Variants in PLPP3 observed in about 807,000 individuals in gnomAD.
The protein encoded by PLPP3 is phospholipid phosphatase 3.
In PLPP3, 6 loss-of-function variants were observed where a neutral mutation model predicts 29.6. The ratio of observed to expected loss-of-function variants is 0.20; its 90% CI spans 0.11 to 0.40. PLPP3 has a LOEUF of 0.40. PLPP3 is among the 10% of genes least tolerant of loss of function. The pLI is 1.00. For synonymous variants in PLPP3, 152 were observed against 159.7 expected, an observed-to-expected ratio of 0.95 and a Z score of 0.36; for missense variants, 308 against 407.7, an observed-to-expected ratio of 0.76 and a Z score of 2.11.
At chr1:56,496,826 A>T (rs912095631) in intron 5 of PLPP3, 150 bp from the exon 6 acceptor site, 30 of 784,732 alleles carry the variant, frequency 3.8e-5, no homozygotes, top group Non-Finnish European at 9.8e-6. Flanking sequence ...AGATCATATC[A>T]TCAAGGTTTA....
rs1363080339 is a variant in PLPP3 at position 56,495,766 on chromosome 1, G to C, written c.*785C>G. 1 of 152,642 alleles carries C rather than the reference G, an allele frequency of 6.6e-6. No individual in the cohort carries two copies. Among genetic ancestry groups the C allele is most frequent in the Non-Finnish European group, 1.5e-5 (1 of 68,050 alleles). The allele number at this position is 152,642 out of a possible 1,614,324, so 9.5% of individuals were successfully genotyped here. On this transcript the variant is annotated 3_prime_UTR_variant, in exon 6 of 6. Transcript: ENST00000371250. ...AACCGAAGTCGAACTGTTTCTAAGA[G>C]TATGCAAGTGCCCGGTGATTGACGT...
chr1:56,572,053 T>G (rs1646202259), intron 1 of PLPP3, among the ~76,000 whole-genome samples: 1 of 135,158 alleles, frequency 7.4e-6, no homozygotes, highest in African/African-American at 2.7e-5. Flanking sequence ...GTTTTTTTTT[T>G]TTTTTTTTTT....
At chr1:56,562,908 G>A (rs1197683695) in intron 1 of PLPP3, among the ~76,000 whole-genome samples, 1 of 152,092 alleles carries the variant, frequency 6.6e-6, no homozygotes, top group African/African-American at 2.4e-5. Flanking sequence ...ACAAATACTG[G>A]GAGAGATAGG....
At chr1:56,552,604 T>G (rs1236395226) in intron 1 of PLPP3, among the ~76,000 whole-genome samples, 1 of 152,256 alleles carries the variant, frequency 6.6e-6, no homozygotes, top group Middle Eastern at 3.4e-3. Flanking sequence ...CTGGTTCTCA[T>G]AGAAAAATTG....
chr1:56,532,134 T>G (rs1296132188), intron 2 of PLPP3, among the ~76,000 whole-genome samples: 2 of 152,132 alleles, frequency 1.3e-5, no homozygotes, highest in Non-Finnish European at 2.9e-5. Flanking sequence ...AGGGAACAGA[T>G]GAAAATTTAG....
At chr1:56,540,907 C>A (rs963275038) in intron 1 of PLPP3, among the ~76,000 whole-genome samples, 4 of 152,142 alleles carry the variant, frequency 2.6e-5, no homozygotes, top group African/African-American at 7.2e-5. Context: ...ACCTTTAGTT[C>A]CAATACCATC....
intron 1 of PLPP3, among the ~76,000 whole-genome samples, chr1:56,563,159 T>C (rs537397964): frequency 4.2e-4 from 64 of 152,358 alleles, no homozygotes; most frequent in South Asian, 8.3e-4. Flanking sequence ...AAGTCCTATT[T>C]AACTTTTCCA....
At chr1:56,565,567 C>T (rs917910856) in intron 1 of PLPP3, among the ~76,000 whole-genome samples, 2 of 152,012 alleles carry the variant, frequency 1.3e-5, no homozygotes, top group Admixed American at 1.3e-4. Flanking sequence ...ATTACAGGCA[C>T]CCGCAACCGC....
In PLPP3 at chr1:56,566,153, T is replaced by C. The variant is rs577087775; in HGVS notation, c.139+12725A>G. Among the ~76,000 whole-genome samples the C allele has an allele frequency of 3.3e-4, 51 of 152,324 alleles. 1 individual carries two copies. Among genetic ancestry groups the C allele is most frequent in the Admixed American group, 1.1e-3 (17 of 15,302 alleles). On this transcript the variant is annotated intron_variant, in intron 1 of 5. Transcript: ENST00000371250. ...ACTGAAAATAGCAGAGGATGCCCCA[T>C]GATTGACCTAACAGACCTTCACAGG...
chr1:56,557,013 AGAGAGAGAG>A (rs1557513539), intron 1 of PLPP3, among the ~76,000 whole-genome samples: 1,046 of 14,536 alleles, frequency 0.072, 137 homozygotes, highest in Admixed American at 0.11. Context: ...AAAGAAAGAG[AGAGAGAGAG>A]AGAAAGAGAG....
Position 56,524,234 on chromosome 1 carries a change from T to C in PLPP3, c.575+43A>G. On this transcript the variant is annotated intron_variant, in intron 3 of 5. Transcript: ENST00000371250. This position sits in a 1 kb window ranked among gnomAD's most constrained non-coding sequence, Gnocchi z 4.3. The stretch of plus-strand genomic sequence containing the variant: ...TAAGTGCTCACTGAACTGCACTGTA[T>C]GAAAGGGGTCCAGGCTCTGGCCATG... 1 of 1,608,398 alleles carries C rather than the reference T, an allele frequency of 6.2e-7. No homozygotes were observed. The highest frequency in any genetic ancestry group is 2.1e-4 in the Middle Eastern group (1 of 4,688).
At chr1:56,575,258 C>A (rs1342401801) in intron 1 of PLPP3, among the ~76,000 whole-genome samples, 1 of 152,180 alleles carries the variant, frequency 6.6e-6, no homozygotes, top group Non-Finnish European at 1.5e-5. Context: ...GTGGCACTGG[C>A]CAACGTGGAA....
chr1:56,522,351 T>C (rs1645824341), intron 4 of PLPP3, among the ~76,000 whole-genome samples: 1 of 152,174 alleles, frequency 6.6e-6, no homozygotes, highest in Non-Finnish European at 1.5e-5. Context: ...TGGAATAAAA[T>C]GAAGGGATAT....
intron 4 of PLPP3, among the ~76,000 whole-genome samples, chr1:56,514,861 G>A (rs760163200): frequency 3.9e-5 from 6 of 152,172 alleles, no homozygotes; most frequent in Non-Finnish European, 8.8e-5. Flanking sequence ...GTGAATTGGA[G>A]CTATATAGGC....
intron 2 of PLPP3, among the ~76,000 whole-genome samples, chr1:56,533,053 CT>C (rs869154825): frequency 0.028 from 4,094 of 145,512 alleles, 59 homozygotes; most frequent in South Asian, 0.099. Flanking sequence ...TATTATGTAG[CT>C]TTTTTTTTTT....
intron 2 of PLPP3, among the ~76,000 whole-genome samples, chr1:56,533,209 C>T (rs773742385): frequency 3.3e-5 from 5 of 152,228 alleles, no homozygotes; most frequent in Non-Finnish European, 7.4e-5. Context: ...CACATGCCAC[C>T]AAGCCCAGCT....
chr1:56,540,284 A>C (rs892565943), intron 1 of PLPP3, among the ~76,000 whole-genome samples: 2 of 152,174 alleles, frequency 1.3e-5, no homozygotes, highest in African/African-American at 4.8e-5. Flanking sequence ...AGGAACACAA[A>C]GATGACCCAG....
chr1:56,497,388 T>C (rs1645637421), intron 5 of PLPP3, among the ~76,000 whole-genome samples: 1 of 152,238 alleles, frequency 6.6e-6, no homozygotes, highest in African/African-American at 2.4e-5. Context: ...ACAGGCATAG[T>C]TCCTGCCTCA....
intron 1 of PLPP3, among the ~76,000 whole-genome samples, chr1:56,553,099 A>C (rs538193990): frequency 6.6e-6 from 1 of 152,238 alleles, no homozygotes; most frequent in South Asian, 2.1e-4. Context: ...GAGATGTGCA[A>C]CCCAGAAGAA....
Sources: allele counts gnomAD v4.1 joint callset (sites outside exome capture counted in the v4.1 genomes callset), GRCh38; gene constraint gnomAD v4.1.1; non-coding constraint Gnocchi (gnomAD v3.1); transcripts MANE v1.5; gene names NCBI Gene and HGNC (gene_info 2026-07-23, HGNC 2026-07-21).